Variants in PYGB observed in about 807,000 individuals in gnomAD.
The protein encoded by PYGB is glycogen phosphorylase, brain form.
A neutral mutation model predicts 94.3 loss-of-function variants in PYGB; 82 were observed. The observed-to-expected ratio is 0.87, with a 90% CI of 0.73 to 1.04. The LOEUF is 1.04. Ranked by LOEUF, PYGB falls within the 50% of genes least tolerant of loss-of-function variation. PYGB has a pLI of 0.00. For synonymous variants in PYGB, 488 were observed against 479.1 expected (o/e 1.02, Z -0.24); for missense variants, 1,132 against 1,158.2 (o/e 0.98, Z 0.33).
At chr20:25,278,261 T>A in intron 7 of PYGB, 58 bp from the exon 8 acceptor site, 1 of 1,579,822 alleles carries the variant, frequency 6.3e-7, no homozygotes, top group Non-Finnish European at 8.6e-7. Flanking sequence ...TGACCTGGGC[T>A]TCCTGGGGGA....
At chr20:25,265,048 A>T (rs1175289005) in intron 2 of PYGB, among the ~76,000 whole-genome samples, 1 of 152,230 alleles carries the variant, frequency 6.6e-6, no homozygotes, top group Non-Finnish European at 1.5e-5. Flanking sequence ...TACAGTAACC[A>T]AAACAGCATG....
intron 9 of PYGB, among the ~76,000 whole-genome samples, 177 bp downstream of exon 9, chr20:25,279,326 G>A (rs1188501751): frequency 2.6e-5 from 4 of 152,086 alleles, no homozygotes; most frequent in African/African-American, 9.7e-5. Context: ...GGAGGTTCCG[G>A]GGGCCAGAGT....
At chr20:25,261,026 T>C (rs1568684589) in intron 2 of PYGB, among the ~76,000 whole-genome samples, 9 of 152,330 alleles carry the variant, frequency 5.9e-5, no homozygotes. Context: ...TAGGCCTGCC[T>C]GCCTCTGTAG....
At chr20:25,278,907 C>G (rs1222339374) in intron 8 of PYGB, 150 bp from the exon 9 acceptor site, 1 of 715,792 alleles carries the variant, frequency 1.4e-6, no homozygotes, top group Admixed American at 2.7e-5. Context: ...CCTCCCTGCT[C>G]CCTCCACAGA....
chr20:25,295,282 C>T lies in PYGB; in HGVS notation c.2313-322C>T, dbSNP rs540593014. Among the ~76,000 whole-genome samples, 3 of 152,398 alleles carry T rather than the reference C, an allele frequency of 2.0e-5. No homozygotes were observed. The East Asian group carries it at 5.8e-4, about 29-fold the overall frequency. On this transcript the variant is annotated intron_variant, in intron 18 of 19. Transcript: ENST00000216962. Reference sequence around the variant, plus strand: ...CGCCATGGGCTCTCCACTGTCTGCCCAGGAGGCCTCTCCCATGTGCAGCTC... The same window carrying T: ...CGCCATGGGCTCTCCACTGTCTGCCTAGGAGGCCTCTCCCATGTGCAGCTC...
At chr20:25,287,254 C>CGAG (rs1230806043) in intron 14 of PYGB, among the ~76,000 whole-genome samples, 1 of 152,252 alleles carries the variant, frequency 6.6e-6, no homozygotes, top group African/African-American at 2.4e-5. Context: ...AGAGGGGAGA[C>CGAG]ACAAGGTCTC....
chr20:25,283,861 C>T (rs1357529177), intron 13 of PYGB, among the ~76,000 whole-genome samples: 2 of 152,104 alleles, frequency 1.3e-5, no homozygotes, highest in African/African-American at 2.4e-5. Context: ...TGGCTCCAGG[C>T]GTGCTCCTGG....
At chr20:25,284,327 C>T (rs925312125) in intron 14 of PYGB, 76 bp downstream of exon 14, 52 of 1,543,954 alleles carry the variant, frequency 3.4e-5, no homozygotes, top group Non-Finnish European at 4.4e-5. Context: ...GTGCACAGAC[C>T]CTGGGCCTCT....
At chr20:25,290,424 C>G (rs2088455919) in intron 15 of PYGB, 57 bp from the exon 16 acceptor site, 1 of 1,582,246 alleles carries the variant, frequency 6.3e-7, no homozygotes, top group Non-Finnish European at 8.7e-7. Context: ...CCAGGAGCGC[C>G]TCCAAGGGCC....
rs754553369 is a variant in PYGB at position 25,294,267 on chromosome 20, G to A, written c.2287G>A (p.Val763Met). 13 of 1,406,996 alleles carry A rather than the reference G, an allele frequency of 9.2e-6. No individual in the cohort carries two copies. The highest frequency in any genetic ancestry group is 4.0e-4 in the Middle Eastern group (2 of 5,014). 87.2% of individuals were successfully genotyped at this position (1,406,996 alleles called of 1,614,324 possible). ...GGAGCCAGACTGCTTCAAGGACATC[G>A]TGAACATGCTGATGCACCATGACAG... Reference protein sequence around the residue: ...PKEPDCFKDIVNMLMHHDRFK... With the variant: ...PKEPDCFKDIMNMLMHHDRFK... The change falls in exon 18 of 20, where the codon GTG becomes ATG. Residue 763 changes from valine (V) to methionine (M), a missense_variant. Physicochemically the swap from Val to Met is conservative, Grantham distance 21. Coordinates refer to ENST00000216962, the MANE Select transcript of PYGB (RefSeq NM_002862.4).
chr20:25,268,155 G>A (rs1568687475), intron 2 of PYGB, among the ~76,000 whole-genome samples: 3 of 6,258 alleles, frequency 4.8e-4, no homozygotes, highest in African/African-American at 1.2e-3. Context: ...GTAAATCCTA[G>A]CACCCGCCCC....
chr20:25,283,086 G>A (rs991517976), intron 12 of PYGB, 90 bp from the exon 13 acceptor site: 14 of 1,087,836 alleles, frequency 1.3e-5, no homozygotes, highest in Admixed American at 3.8e-5. Context: ...AAGCAGGGGC[G>A]TGGGCAACAA....
At chr20:25,295,304 G>GC (rs1450850310) in intron 18 of PYGB, among the ~76,000 whole-genome samples, 1 of 152,270 alleles carries the variant, frequency 6.6e-6, no homozygotes. Context: ...CCCATGTGCA[G>GC]CTCTAACTGC....
In PYGB at chr20:25,295,110, T is replaced by C. The variant is rs2088520052; in HGVS notation, c.2313-494T>C. On this transcript the variant is annotated intron_variant, in intron 18 of 19. Coordinates refer to ENST00000216962, the MANE Select transcript of PYGB (RefSeq NM_002862.4). ...CTTCTGACTCGATAGTGAACAGAAATGCATTTGTAGATTCATAAATCTGGC... is the reference window on the plus strand; with the variant it reads ...CTTCTGACTCGATAGTGAACAGAAACGCATTTGTAGATTCATAAATCTGGC... The C allele has an allele frequency of 3.6e-6, 5 of 1,406,688 alleles. No homozygotes were observed. The Admixed American group carries it at 5.0e-5, about 14-fold the overall frequency. The allele number at this position is 1,406,688 out of a possible 1,614,324, so 87.1% of individuals were successfully genotyped here.
intron 14 of PYGB, among the ~76,000 whole-genome samples, chr20:25,287,351 A>G (rs1005789442): frequency 5.3e-5 from 8 of 152,254 alleles, no homozygotes; most frequent in African/African-American, 1.9e-4. Context: ...AATGTGTTTA[A>G]AACACAATTT....
At chr20:25,290,097 C>T (rs957923929) in intron 15 of PYGB, among the ~76,000 whole-genome samples, 4 of 152,214 alleles carry the variant, frequency 2.6e-5, no homozygotes, top group African/African-American at 9.6e-5. Flanking sequence ...GGTTGTCTGT[C>T]CGCCGTAGCC....
In PYGB at chr20:25,297,963, T is replaced by C. The variant is rs1236850179; in HGVS notation, c.*1441T>C. On this transcript the variant is annotated 3_prime_UTR_variant, in exon 20 of 20. Transcript: ENST00000216962. ...CCACCACTGTGCCCCTCATTGTTAC[T>C]GCCTTGTGAGATAAAAACTGATTAA... The C allele has an allele frequency of 6.6e-6, 1 of 152,318 alleles. No individual in the cohort carries two copies. The highest frequency in any genetic ancestry group is 1.5e-5 in the Non-Finnish European group (1 of 68,102). The allele number at this position is 152,318 out of a possible 1,614,324, so 9.4% of individuals were successfully genotyped here.
chr20:25,289,136 T>A (rs2088443820), intron 15 of PYGB, among the ~76,000 whole-genome samples: 1 of 152,212 alleles, frequency 6.6e-6, no homozygotes, highest in South Asian at 2.1e-4. Context: ...GCCTGAAGGC[T>A]GCCCTCTTGC....
At chr20:25,263,715 C>T (rs889027805) in intron 2 of PYGB, among the ~76,000 whole-genome samples, 8 of 152,168 alleles carry the variant, frequency 5.3e-5, no homozygotes, top group African/African-American at 1.9e-4. Context: ...CATACACCCT[C>T]CCAAGACTAA....
Sources: allele counts gnomAD v4.1 joint callset (sites outside exome capture counted in the v4.1 genomes callset), GRCh38; gene constraint gnomAD v4.1.1; transcripts MANE v1.5; gene names NCBI Gene and HGNC (gene_info 2026-07-23, HGNC 2026-07-21).